The following SLC13A5 variants were observed in gnomAD, a reference collection of about 807,000 sequenced individuals.
SLC13A5 encodes the protein solute carrier family 13 member 5.
Under a neutral mutation model 56.5 loss-of-function variants are expected in SLC13A5, and 25 were observed. The observed-to-expected ratio is 0.44, with a 90% confidence interval of 0.32 to 0.62. The LOEUF is 0.62. SLC13A5 is among the 20% of genes least tolerant of loss of function. The pLI is 0.04. For missense variants in SLC13A5, 649 were observed against 737.8 expected, an observed-to-expected ratio of 0.88 and a Z score of 1.39; for synonymous variants, 307 against 301.5, an observed-to-expected ratio of 1.02 and a Z score of -0.19.
chr17:6,707,287 T>A, intron 1 of SLC13A5, 131 bp from the exon 2 acceptor site: 2 of 1,246,612 alleles, frequency 1.6e-6, no homozygotes. Context: ...CTCAAAGTCA[T>A]CTTGTTCCCC....
At position 6,706,687 on chromosome 17, in the gene SLC13A5, C is replaced by T; in HGVS notation, c.323G>A (p.Arg108Lys). Residue 108 changes from arginine to lysine, a missense_variant, in exon 3 of 12, where the codon AGG becomes AAG. Transcript: ENST00000433363. Reference sequence around the variant, plus strand: ...CCAGAGGAGCGTGCGCAGGGCGATCCTCTTGTGCAGGTTCCAGCGCTCCAC... The same window carrying T: ...CCAGAGGAGCGTGCGCAGGGCGATCTTCTTGTGCAGGTTCCAGCGCTCCAC... Reference protein sequence around the residue: ...VAVERWNLHKRIALRTLLWVG... With the variant: ...VAVERWNLHKKIALRTLLWVG... 1.9e-6 allele frequency: 3 copies of T among 1,613,980 alleles called. No individual in the cohort carries two copies. The highest frequency in any genetic ancestry group is 2.2e-5 in the South Asian group (2 of 91,030).
rs1974084205 is a variant in SLC13A5, at chr17:6,713,153, T to G, written c.102+79A>C. Reference sequence around the variant, plus strand: ...CCCCGCGAAATCCGTGCGCTCCAGCTCAGGGCTCCCGGGATCGGTGCCCGT... The same window carrying G: ...CCCCGCGAAATCCGTGCGCTCCAGCGCAGGGCTCCCGGGATCGGTGCCCGT... On this transcript the variant is annotated intron_variant, in intron 1 of 11. Coordinates refer to ENST00000433363, the MANE Select transcript of SLC13A5 (RefSeq NM_177550.5). The surrounding 1 kb of genome is among the most constrained non-coding windows in gnomAD (Gnocchi z 7.3). 6.9e-7 allele frequency: 1 copy of G among 1,446,666 alleles called. No homozygotes were observed. The highest frequency in any genetic ancestry group is 1.9e-5 in the Admixed American group (1 of 53,914). 89.6% of individuals were successfully genotyped at this position (1,446,666 alleles called of 1,614,324 possible).
chr17:6,688,770 CAA>C (rs1317250067), intron 10 of SLC13A5: 3 of 151,862 alleles, frequency 2.0e-5, no homozygotes, highest in African/African-American at 7.3e-5. Flanking sequence ...AACTCTGTCT[CAA>C]AAAAAGTGTG....
At chr17:6,699,522 G>A (rs982287775) in intron 6 of SLC13A5, among the ~76,000 whole-genome samples, 2 of 152,120 alleles carry the variant, frequency 1.3e-5, no homozygotes, top group Admixed American at 1.3e-4. Flanking sequence ...CCAGGCTGGA[G>A]TGCAGTGGCA....
In SLC13A5 at chr17:6,706,767, C is replaced by G; in HGVS notation, c.243G>C (p.Gln81His). ...QILDSRQVCV[Q>H]YMKDTNMLFL... ...ACAGCATGTTGGTGTCCTTCATGTA[C>G]TGGACACACACCTGGAGCGTGGCAC... Residue 81 changes from glutamine to histidine, a missense_variant, in exon 3 of 12, where the codon CAG (glutamine) becomes CAC (histidine). By Grantham distance (24) the Gln-to-His change is conservative. Coordinates refer to ENST00000433363, the MANE Select transcript of SLC13A5 (RefSeq NM_177550.5). The G allele has an allele frequency of 1.9e-6, 3 of 1,614,090 alleles. No homozygotes were observed. Among genetic ancestry groups the G allele is most frequent in the Non-Finnish European group, 2.5e-6 (3 of 1,180,016 alleles).
chr17:6,699,794 C>T (rs990985691), intron 6 of SLC13A5, among the ~76,000 whole-genome samples: 3 of 150,300 alleles, frequency 2.0e-5, no homozygotes, highest in South Asian at 2.1e-4. Flanking sequence ...TTAGTAGAGA[C>T]GGGGTTTCAC....
intron 4 of SLC13A5, among the ~76,000 whole-genome samples, chr17:6,703,350 T>C (rs1597671973): frequency 6.6e-6 from 1 of 152,234 alleles, no homozygotes; most frequent in African/African-American, 2.4e-5. Flanking sequence ...AATCAGGCCG[T>C]CAGCCACAGA....
At position 6,687,404 on chromosome 17, in the gene SLC13A5, T is replaced by C. The variant is rs1429563563; in HGVS notation, c.1575+125A>G. ...TAAATGTCAACAATGGCTACAGGTC[T>C]GGATGTTCCGTGGCATTCCCAAGTC... is the stretch of plus-strand genomic sequence containing the variant. On this transcript the variant is annotated intron_variant, in intron 11 of 11. Coordinates refer to ENST00000433363, the MANE Select transcript of SLC13A5 (RefSeq NM_177550.5). The surrounding 1 kb of genome is among the most constrained non-coding windows in gnomAD (Gnocchi z 5.0). The C allele has an allele frequency of 7.6e-7, 1 of 1,308,164 alleles. No individual in the cohort carries two copies. Among genetic ancestry groups the C allele is most frequent in the Non-Finnish European group, 1.1e-6 (1 of 923,310 alleles). The allele number at this position is 1,308,164 out of a possible 1,614,324, so 81.0% of individuals were successfully genotyped here.
chr17:6,707,908 A>G (rs1973913734), intron 1 of SLC13A5, among the ~76,000 whole-genome samples: 1 of 152,206 alleles, frequency 6.6e-6, no homozygotes, highest in African/African-American at 2.4e-5. Flanking sequence ...TATTGAAATA[A>G]AAGTAATAAT....
Position 6,690,985 on chromosome 17 carries a change from C to T in SLC13A5, c.1276-45G>A, listed in dbSNP as rs763459372. 13 of 1,562,238 alleles carry T rather than the reference C, an allele frequency of 8.3e-6. No individual in the cohort carries two copies. In the South Asian group the frequency reaches 1.5e-4, roughly 18 times the overall value. On this transcript the variant is annotated intron_variant, in intron 9 of 11. Coordinates refer to ENST00000433363, the MANE Select transcript of SLC13A5 (RefSeq NM_177550.5). ...CAGTCATCTCAGCGCTCCCAGCTTG[C>T]AGTTCCTTCAGGGCCAGGGCAAGCT...
At chr17:6,709,544 AGG>A (rs1348621313) in intron 1 of SLC13A5, among the ~76,000 whole-genome samples, 2 of 152,188 alleles carry the variant, frequency 1.3e-5, no homozygotes, top group Non-Finnish European at 2.9e-5. Flanking sequence ...CTGGGATTAC[AGG>A]CATGAGCCAC....
rs1254305888 is a variant in SLC13A5, at chr17:6,702,950, AG to A, written c.716+19del. On this transcript the variant is annotated intron_variant, in intron 5 of 11. Transcript: ENST00000433363. ...CGGTACCCACTTCGTTGTCCCCAGA[AG>A]GTGCGACCAAGGACTCACTCGTTCA... 6.2e-7 allele frequency: 1 copy of A among 1,605,152 alleles called. No individual in the cohort carries two copies. The highest frequency in any genetic ancestry group is 8.5e-7 in the Non-Finnish European group (1 of 1,172,170).
At chr17:6,707,284 T>C (rs1973897086) in intron 1 of SLC13A5, 128 bp from the exon 2 acceptor site, 1 of 1,256,562 alleles carries the variant, frequency 8.0e-7, no homozygotes, top group African/African-American at 1.5e-5. Flanking sequence ...CCCCTCAAAG[T>C]CATCTTGTTC....
In SLC13A5 at chr17:6,701,521, C is replaced by T. The variant is rs1485713705; in HGVS notation, c.717-395G>A. ...GGTCAGGAGCTTAAGACTGGCCTGG[C>T]CAACATGGTGAAACCCCGTCTCCAC... On this transcript the variant is annotated intron_variant, in intron 5 of 11. Coordinates refer to ENST00000433363, the MANE Select transcript of SLC13A5 (RefSeq NM_177550.5). The surrounding 1 kb of genome is among the most constrained non-coding windows in gnomAD (Gnocchi z 4.1). Among the ~76,000 whole-genome samples, 2 of 152,154 alleles carry T rather than the reference C, an allele frequency of 1.3e-5. No homozygotes were observed. Among genetic ancestry groups the T allele is most frequent in the African/African-American group, 2.4e-5 (1 of 41,424 alleles).
chr17:6,705,155 C>G (rs1226352008), intron 3 of SLC13A5: 1 of 150,642 alleles, frequency 6.6e-6, no homozygotes, highest in Non-Finnish European at 1.5e-5. Flanking sequence ...CACAGGCAGA[C>G]ATTATGGACC....
At position 6,706,668 on chromosome 17, in the gene SLC13A5, G is replaced by A. The variant is rs774031315; in HGVS notation, c.342C>T (p.Leu114=). ...NLHKRIALRT[L]LWVGAKPARL... Reference sequence around the variant, plus strand: ...GTGCAGGCTTGGCCCCCACCCAGAGGAGCGTGCGCAGGGCGATCCTCTTGT... The same window carrying A: ...GTGCAGGCTTGGCCCCCACCCAGAGAAGCGTGCGCAGGGCGATCCTCTTGT... Residue 114 remains leucine (L), a synonymous_variant, in exon 3 of 12, where the codon CTC becomes CTT. Transcript: ENST00000433363. The A allele has an allele frequency of 5.6e-6, 9 of 1,613,772 alleles. No homozygotes were observed. In the African/African-American group the frequency reaches 6.7e-5, roughly 12 times the overall value.
At chr17:6,708,914 G>A (rs555890060) in intron 1 of SLC13A5, among the ~76,000 whole-genome samples, 6 of 152,252 alleles carry the variant, frequency 3.9e-5, no homozygotes, top group African/African-American at 1.4e-4. Context: ...GTGGACATGA[G>A]GGTAATGTGC....
At chr17:6,709,823 TC>T (rs966771614) in intron 1 of SLC13A5, among the ~76,000 whole-genome samples, 2 of 152,120 alleles carry the variant, frequency 1.3e-5, no homozygotes, top group East Asian at 3.9e-4. Context: ...GGAGGCAGGG[TC>T]CCTCAGCCTC....
rs996124559 is a variant in SLC13A5 at position 6,701,196 on chromosome 17, A to G, written c.717-70T>C. 1 of 1,591,634 alleles carries G rather than the reference A, an allele frequency of 6.3e-7. No homozygotes were observed. The highest frequency in any genetic ancestry group is 1.3e-5 in the African/African-American group (1 of 74,466). ...AGCCAGCCTGGCCCTGTGCGTGGGG[A>G]CGGAGCAGCAGCTGGGCCCTGAGAG... On this transcript the variant is annotated intron_variant, in intron 5 of 11. Coordinates refer to ENST00000433363, the MANE Select transcript of SLC13A5 (RefSeq NM_177550.5). This position sits in a 1 kb window ranked among gnomAD's most constrained non-coding sequence, Gnocchi z 4.1.
Sources: allele counts gnomAD v4.1 joint callset (sites outside exome capture counted in the v4.1 genomes callset), GRCh38; gene constraint gnomAD v4.1.1; non-coding constraint Gnocchi (gnomAD v3.1); transcripts MANE v1.5; gene names NCBI Gene and HGNC (gene_info 2026-07-23, HGNC 2026-07-21).